The following PDE4B variants were observed in gnomAD, a reference collection of about 807,000 sequenced individuals.
The protein encoded by PDE4B is 3',5'-cyclic-AMP phosphodiesterase 4B.
A neutral mutation model predicts 82.2 loss-of-function variants in PDE4B; 20 were observed. The observed-to-expected ratio is 0.24, with a 90% confidence interval of 0.17 to 0.35. The LOEUF is 0.35. Ranked by LOEUF, PDE4B falls within the 10% of genes least tolerant of loss-of-function variation. PDE4B has a pLI of 1.00. For missense variants in PDE4B, 655 were observed against 907.2 expected (o/e 0.72, Z 3.57); for synonymous variants, 320 against 318.9 (o/e 1.00, Z -0.04).
chr1:65,878,197 G>A (rs747837948), intron 1 of PDE4B, among the ~76,000 whole-genome samples: 1 of 152,208 alleles, frequency 6.6e-6, no homozygotes, highest in African/African-American at 2.4e-5. Flanking sequence ...TCTCATGCCA[G>A]TTAGAATGGT....
At chr1:66,320,886 C>T (rs1265934138) in intron 7 of PDE4B, among the ~76,000 whole-genome samples, 2 of 152,108 alleles carry the variant, frequency 1.3e-5, no homozygotes, top group Admixed American at 6.6e-5. Context: ...TAGGCTGCAT[C>T]CTAAAAGATA....
At chr1:65,991,776 C>A (rs1381882332) in intron 3 of PDE4B, among the ~76,000 whole-genome samples, 1 of 152,214 alleles carries the variant, frequency 6.6e-6, no homozygotes, top group East Asian at 1.9e-4. Flanking sequence ...AATACACCCA[C>A]TCTCAAATGT....
intron 3 of PDE4B, among the ~76,000 whole-genome samples, chr1:66,043,035 G>A (rs1373771124): frequency 6.6e-6 from 1 of 151,652 alleles, no homozygotes; most frequent in Admixed American, 6.6e-5. Flanking sequence ...CTAATGTGAT[G>A]TGTGAGTTTA....
At chr1:65,887,409 C>CTTTTTTTTTTTTTTTTTTTTTTTTT (rs1646801165) in intron 1 of PDE4B, among the ~76,000 whole-genome samples, 1 of 10,538 alleles carries the variant, frequency 9.5e-5, no homozygotes, top group Non-Finnish European at 1.5e-4. Context: ...TTTTCTTTTT[C>CTTTTTTTTTTTTTTTTTTTTTTTTT]TTCTGTTTTT....
At chr1:66,233,354 T>A (rs1335422722) in intron 3 of PDE4B, among the ~76,000 whole-genome samples, 1 of 152,234 alleles carries the variant, frequency 6.6e-6, no homozygotes, top group African/African-American at 2.4e-5. Context: ...TGTATGGGTA[T>A]ATCACAATTT....
intron 7 of PDE4B, among the ~76,000 whole-genome samples, chr1:66,274,986 A>T (rs143018097): frequency 6.6e-6 from 1 of 152,160 alleles, no homozygotes; most frequent in East Asian, 1.9e-4. Flanking sequence ...ATCTTGTTAT[A>T]TAGAAATAGT....
intron 3 of PDE4B, among the ~76,000 whole-genome samples, chr1:66,184,442 G>C (rs1375492947): frequency 5.9e-5 from 9 of 152,168 alleles, no homozygotes; most frequent in Admixed American, 5.9e-4. Context: ...TTTCATTTTA[G>C]TAAGGAAGAA....
chr1:65,955,829 G>A (rs1414804607), intron 3 of PDE4B, among the ~76,000 whole-genome samples: 1 of 152,102 alleles, frequency 6.6e-6, no homozygotes. Context: ...TTGAGGACAA[G>A]GACTGTGTTT....
chr1:65,886,597 C>T (rs924828026), intron 1 of PDE4B, among the ~76,000 whole-genome samples: 1 of 152,102 alleles, frequency 6.6e-6, no homozygotes, highest in Non-Finnish European at 1.5e-5. Flanking sequence ...CTACATGAGA[C>T]CAACTTTTGG....
intron 8 of PDE4B, among the ~76,000 whole-genome samples, chr1:66,344,014 A>G (rs1010687256): frequency 6.6e-6 from 1 of 152,114 alleles, no homozygotes; most frequent in Non-Finnish European, 1.5e-5. Flanking sequence ...CCCACTCTGG[A>G]TCTCTCACTC....
At chr1:66,332,446 C>T (rs763599119) in intron 7 of PDE4B, 62 bp from the exon 8 acceptor site, 4 of 1,614,156 alleles carry the variant, frequency 2.5e-6, no homozygotes, top group Non-Finnish European at 2.5e-6. Flanking sequence ...GTAGCGGTGA[C>T]TCTGCTATGG....
chr1:66,088,383 G>T (rs1317143270), intron 3 of PDE4B, among the ~76,000 whole-genome samples: 1 of 152,042 alleles, frequency 6.6e-6, no homozygotes, highest in Non-Finnish European at 1.5e-5. Context: ...GAAGCCTGGG[G>T]CTCAGGAGGA....
At chr1:66,246,195 A>G (rs1276724001) in intron 3 of PDE4B, among the ~76,000 whole-genome samples, 1 of 152,212 alleles carries the variant, frequency 6.6e-6, no homozygotes, top group Non-Finnish European at 1.5e-5. Context: ...GCTAAGCCTC[A>G]TTTACCTCAA....
intron 3 of PDE4B, among the ~76,000 whole-genome samples, chr1:66,067,171 T>C (rs534523684): frequency 2.0e-5 from 3 of 152,042 alleles, no homozygotes; most frequent in African/African-American, 4.8e-5. Context: ...GTCTTTATAG[T>C]AGCATGATTT....
At chr1:65,956,716 A>T (rs1649278704) in intron 3 of PDE4B, among the ~76,000 whole-genome samples, 1 of 152,158 alleles carries the variant, frequency 6.6e-6, no homozygotes, top group South Asian at 2.1e-4. Flanking sequence ...TGTAAATGTT[A>T]TGTATACCTG....
At chr1:66,086,279 G>A (rs1400333901) in intron 3 of PDE4B, among the ~76,000 whole-genome samples, 6 of 152,136 alleles carry the variant, frequency 3.9e-5, no homozygotes, top group Admixed American at 1.3e-4. Flanking sequence ...CTCAAGGGAA[G>A]CACTTTCCTT....
intron 4 of PDE4B, chr1:66,257,398 G>T: frequency 1.5e-6 from 1 of 686,862 alleles, no homozygotes; most frequent in Non-Finnish European, 2.7e-6. Flanking sequence ...GAGGATATAT[G>T]CTTACTTGCA....
intron 3 of PDE4B, among the ~76,000 whole-genome samples, chr1:66,134,336 T>C (rs909763323): frequency 6.6e-6 from 1 of 152,238 alleles, no homozygotes; most frequent in Non-Finnish European, 1.5e-5. Context: ...ATAGAAGTGG[T>C]ACCTAGAAGA....
At chr1:65,912,648 T>C (rs1173147315) in intron 1 of PDE4B, among the ~76,000 whole-genome samples, 1 of 152,250 alleles carries the variant, frequency 6.6e-6, no homozygotes, top group Non-Finnish European at 1.5e-5. Context: ...AATTGCCTAC[T>C]AGTTTATGCA....
Sources: gnomAD v4.1 joint callset for allele counts (sites outside exome capture counted in the v4.1 genomes callset) on GRCh38, gnomAD v4.1.1 for gene constraint, MANE v1.5 for transcripts, NCBI Gene and HGNC (gene_info 2026-07-23, HGNC 2026-07-21) for gene names.